CNTN1: variants seen among roughly 807,000 people sequenced by gnomAD.
The protein encoded by CNTN1 is contactin 1.
A neutral mutation model predicts 126.4 loss-of-function variants in CNTN1; 38 were observed. The observed-to-expected ratio is 0.30, with a 90% CI of 0.23 to 0.39. The LOEUF (loss-of-function observed/expected upper bound fraction) is 0.39. CNTN1 is among the 10% of genes least tolerant of loss of function. The probability of loss-of-function intolerance (pLI) is 1.00; values close to 1 mark genes in which losing one functional copy is unlikely to be tolerated. For synonymous variants in CNTN1, 413 were observed against 422.6 expected (o/e 0.98, Z 0.28); for missense variants, 1,009 against 1,248.4 (o/e 0.81, Z 2.89).
intron 1 of CNTN1, among the ~76,000 whole-genome samples, chr12:40,770,229 G>A (rs572391340): frequency 2.9e-4 from 44 of 152,200 alleles, no homozygotes; most frequent in Non-Finnish European, 5.6e-4. Flanking sequence ...TAAATTGGCA[G>A]TCTTTGTAAC....
intron 17 of CNTN1, among the ~76,000 whole-genome samples, chr12:41,012,870 A>G (rs980911490): frequency 5.0e-4 from 76 of 152,316 alleles, no homozygotes; most frequent in Non-Finnish European, 4.4e-5. Context: ...TGAGGTCCCC[A>G]GTATGAAATG....
intron 1 of CNTN1, among the ~76,000 whole-genome samples, chr12:40,776,144 T>A (rs1939568996): frequency 6.6e-6 from 1 of 151,568 alleles, no homozygotes; most frequent in African/African-American, 2.4e-5. Flanking sequence ...TCTATTCTTT[T>A]TTATTTAAAA....
chr12:40,873,838 C>T (rs887275067), intron 1 of CNTN1, among the ~76,000 whole-genome samples: 7 of 151,992 alleles, frequency 4.6e-5, no homozygotes, highest in African/African-American at 1.7e-4. Context: ...TTCCTCATTG[C>T]CCCCAAACTA....
chr12:40,709,486 T>A (rs1006946769), intron 1 of CNTN1, among the ~76,000 whole-genome samples: 16 of 152,218 alleles, frequency 1.1e-4, no homozygotes, highest in Admixed American at 2.0e-4. Flanking sequence ...CATTAGCTAC[T>A]AACAAGAAAG....
chr12:40,734,765 G>A (rs1359000666), intron 1 of CNTN1, among the ~76,000 whole-genome samples: 1 of 151,976 alleles, frequency 6.6e-6, no homozygotes, highest in African/African-American at 2.4e-5. Context: ...AACATAATAA[G>A]CATGCTAAGA....
chr12:40,708,013 C>A (rs375419285), intron 1 of CNTN1, among the ~76,000 whole-genome samples: 2 of 152,218 alleles, frequency 1.3e-5, no homozygotes. Context: ...GTCCTAGATA[C>A]TTTTCTCAAA....
At chr12:40,819,638 G>A (rs1941379970) in intron 1 of CNTN1, among the ~76,000 whole-genome samples, 1 of 152,178 alleles carries the variant, frequency 6.6e-6, no homozygotes, top group African/African-American at 2.4e-5. Flanking sequence ...GCTGGCTGCT[G>A]TTCCTCCCTC....
At chr12:40,775,451 TATATTTTGGGTACTAA>T (rs1939540801) in intron 1 of CNTN1, among the ~76,000 whole-genome samples, 1 of 151,510 alleles carries the variant, frequency 6.6e-6, no homozygotes, top group East Asian at 1.9e-4. Context: ...TTTTTTCCAT[TATATTTTGGGTACTAA>T]ATAAATGTCT....
At chr12:41,010,253 A>G (rs1166562567) in intron 17 of CNTN1, among the ~76,000 whole-genome samples, 1 of 152,050 alleles carries the variant, frequency 6.6e-6, no homozygotes, top group Non-Finnish European at 1.5e-5. Flanking sequence ...AATCTGTGAG[A>G]CTGGTTTGGA....
chr12:40,933,252 C>T (rs1039241062), intron 7 of CNTN1, among the ~76,000 whole-genome samples: 3 of 151,732 alleles, frequency 2.0e-5, no homozygotes, highest in Non-Finnish European at 2.9e-5. Context: ...GCTGTCAGAA[C>T]GAGCCAATAT....
At chr12:40,815,986 C>A (rs1941242513) in intron 1 of CNTN1, among the ~76,000 whole-genome samples, 1 of 152,136 alleles carries the variant, frequency 6.6e-6, no homozygotes, top group Admixed American at 6.5e-5. Context: ...AGCCTTGCAT[C>A]CCAGGGTTAA....
At chr12:40,891,957 A>C (rs1944253801) in intron 1 of CNTN1, among the ~76,000 whole-genome samples, 1 of 152,118 alleles carries the variant, frequency 6.6e-6, no homozygotes, top group Non-Finnish European at 1.5e-5. Flanking sequence ...ATTGTATTGA[A>C]TCTGTAGATC....
intron 1 of CNTN1, among the ~76,000 whole-genome samples, chr12:40,740,401 T>C (rs974077655): frequency 1.3e-5 from 2 of 152,148 alleles, no homozygotes; most frequent in African/African-American, 4.8e-5. Flanking sequence ...TAACTGCTGT[T>C]CATACTTACA....
intron 1 of CNTN1, among the ~76,000 whole-genome samples, chr12:40,714,996 T>A (rs73110832): frequency 0.012 from 1,788 of 152,254 alleles, 24 homozygotes; most frequent in African/African-American, 0.04. Context: ...TTTGTAAGCA[T>A]TTTTGTAGAA....
intron 1 of CNTN1, among the ~76,000 whole-genome samples, chr12:40,709,668 G>C (rs1941861188): frequency 6.6e-6 from 1 of 152,192 alleles, no homozygotes; most frequent in Non-Finnish European, 1.5e-5. Flanking sequence ...ATAACTTGTT[G>C]CAGCTTTTAC....
chr12:40,933,290 T>C (rs552921973), intron 7 of CNTN1, among the ~76,000 whole-genome samples, 171 bp from the exon 8 acceptor site: 13 of 152,104 alleles, frequency 8.5e-5, no homozygotes, highest in African/African-American at 2.6e-4. Context: ...AGTTATACTA[T>C]ATTCATACTG....
chr12:41,029,911 T>C lies in CNTN1; in HGVS notation c.2980+692T>C, dbSNP rs140257399. Among the ~76,000 whole-genome samples, 600 of 152,194 alleles carry C rather than the reference T, an allele frequency of 3.9e-3. 7 individuals carry two copies. The highest frequency in any genetic ancestry group is 0.014 in the African/African-American group (578 of 41,566). On this transcript the variant is annotated intron_variant, in intron 23 of 23. Coordinates refer to ENST00000551295, the MANE Select transcript of CNTN1 (RefSeq NM_001843.4). ...ATATTTGAGGCAGTCATTTCTTTTT[T>C]TTTATTTCTGGCAATCTGTTATTTA...
chr12:40,947,706 AAGTT>A (rs1371638783), intron 14 of CNTN1, among the ~76,000 whole-genome samples: 1 of 149,608 alleles, frequency 6.7e-6, no homozygotes, highest in African/African-American at 2.5e-5. Context: ...TAGAGCCATT[AAGTT>A]AGTTAATTAC....
intron 1 of CNTN1, among the ~76,000 whole-genome samples, chr12:40,754,077 A>G (rs1378509225): frequency 6.6e-6 from 1 of 152,084 alleles, no homozygotes; most frequent in East Asian, 1.9e-4. Context: ...ATGTTCTTCT[A>G]TGCTTCACAA....
Sources: gnomAD v4.1 joint callset for allele counts (sites outside exome capture counted in the v4.1 genomes callset) on GRCh38, gnomAD v4.1.1 for gene constraint, MANE v1.5 for transcripts, NCBI Gene and HGNC (gene_info 2026-07-23, HGNC 2026-07-21) for gene names.